ADA2: variants seen among roughly 807,000 people sequenced by gnomAD.
ADA2 encodes adenosine deaminase CECR1.
ADA2 carries 29 observed loss-of-function variants against 44.2 expected under a neutral mutation model. The observed-to-expected ratio is 0.66, with a 90% confidence interval of 0.49 to 0.89. ADA2 has a LOEUF of 0.89. Among genes scored for constraint, ADA2 ranks in the 40% least tolerant of loss-of-function variants. The pLI is 0.00. For missense variants in ADA2, 637 were observed against 644.8 expected, an observed-to-expected ratio of 0.99 and a Z score of 0.13; for synonymous variants, 215 against 234.9, an observed-to-expected ratio of 0.92 and a Z score of 0.77.
chr22:17,178,829 A>C lies in ADA2; in HGVS notation c.*2654T>G, dbSNP rs1290442809. 8 of 151,876 alleles carry C rather than the reference A, an allele frequency of 5.3e-5. No homozygotes were observed. Among genetic ancestry groups the C allele is most frequent in the Non-Finnish European group, 1.0e-4 (7 of 68,012 alleles). 9.4% of individuals were successfully genotyped at this position (151,876 alleles called of 1,614,324 possible). A position where few individuals can be genotyped will look rare whatever the true frequency, so the allele number is the denominator to read the frequency against. On this transcript the variant is annotated 3_prime_UTR_variant, in exon 10 of 10. Transcript: ENST00000399837. ...GGTTCATTTTGCCAAATCAGAGATC[A>C]CAGCAAGTCCAGGCCAGAGGCTGTT...
chr22:17,220,584 C>T (rs539162842), upstream of ADA2, among the ~76,000 whole-genome samples: 2 of 152,218 alleles, frequency 1.3e-5, no homozygotes, highest in South Asian at 2.1e-4. Flanking sequence ...GATGCCTCAT[C>T]CAAGCCAATT....
intron 7 of ADA2, 107 bp from the exon 8 acceptor site, chr22:17,182,868 C>T: frequency 9.1e-7 from 1 of 1,098,314 alleles, no homozygotes; most frequent in South Asian, 1.5e-5. Context: ...AAATAAACAG[C>T]CCCCCAAGCA....
At chr22:17,216,224 G>C (rs1001696490) in intron 1 of ADA2, among the ~76,000 whole-genome samples, 1 of 151,938 alleles carries the variant, frequency 6.6e-6, no homozygotes, top group Admixed American at 6.6e-5. Flanking sequence ...AATTATCCAT[G>C]TGTAGTGGTA....
chr22:17,199,866 G>A, intron 4 of ADA2: 3 of 796,842 alleles, frequency 3.8e-6, no homozygotes, highest in Non-Finnish European at 5.3e-6. Flanking sequence ...ATTTGCCTGA[G>A]CTCAGGAGTT....
intron 5 of ADA2, 92 bp downstream of exon 5, chr22:17,191,591 A>C: frequency 7.3e-4 from 679 of 930,842 alleles, no homozygotes; most frequent in East Asian, 1.9e-3. Context: ...CCGGCCTCCC[A>C]GCCCCGCTTC....
chr22:17,197,235 T>C (rs1327272806), intron 4 of ADA2, among the ~76,000 whole-genome samples: 1 of 151,842 alleles, frequency 6.6e-6, no homozygotes, highest in Non-Finnish European at 1.5e-5. Context: ...AAACAAGGAC[T>C]CGCAATTTCT....
At chr22:17,194,248 A>C (rs1403033304) in intron 4 of ADA2, among the ~76,000 whole-genome samples, 1 of 151,972 alleles carries the variant, frequency 6.6e-6, no homozygotes, top group Non-Finnish European at 1.5e-5. Context: ...TAAGGGAGAA[A>C]TGCCCTTCCT....
chr22:17,192,888 A>T, intron 4 of ADA2: 1 of 509,244 alleles, frequency 2.0e-6, no homozygotes, highest in Non-Finnish European at 3.7e-6. Context: ...AGTGGCAGCC[A>T]TCTCCTCTTT....
At chr22:17,197,043 G>A (rs2123677522) in intron 4 of ADA2, among the ~76,000 whole-genome samples, 1 of 151,952 alleles carries the variant, frequency 6.6e-6, no homozygotes, top group Non-Finnish European at 1.5e-5. Context: ...CATGGTGATG[G>A]GCACCTGTAA....
At chr22:17,206,308 T>G (rs2062352980) in intron 3 of ADA2, among the ~76,000 whole-genome samples, 1 of 151,980 alleles carries the variant, frequency 6.6e-6, no homozygotes, top group African/African-American at 2.4e-5. Context: ...AATACAAAAA[T>G]TAGCCAGGCA....
intron 4 of ADA2, chr22:17,198,822 A>T (rs1040276224): frequency 2.0e-5 from 3 of 152,100 alleles, no homozygotes; most frequent in African/African-American, 7.3e-5. Flanking sequence ...AGGAGATAAG[A>T]CCCGCCTAGC....
In ADA2 at chr22:17,195,882, G is replaced by C. The variant is rs568586531; in HGVS notation, c.754-4072C>G. ...TTCAAGCACGACTCCCGAGTAGCTG[G>C]GATTACAGGCACATGCCACCACGCC... On this transcript the variant is annotated intron_variant, in intron 4 of 9. Coordinates refer to ENST00000399837, the MANE Select transcript of ADA2 (RefSeq NM_001282225.2). Among the ~76,000 whole-genome samples, 927 of 151,706 alleles carry C rather than the reference G, an allele frequency of 6.1e-3. 16 individuals are homozygous for C. Among genetic ancestry groups the C allele is most frequent in the Non-Finnish European group, 4.3e-3 (294 of 67,916 alleles).
chr22:17,208,444 A>G (rs1045592296), intron 2 of ADA2, among the ~76,000 whole-genome samples: 2 of 105,706 alleles, frequency 1.9e-5, no homozygotes, highest in African/African-American at 6.5e-5. Flanking sequence ...AGAAAAAAAA[A>G]GAAAAAAAAA....
At chr22:17,185,995 G>A (rs367861981) in intron 7 of ADA2, among the ~76,000 whole-genome samples, 91 of 152,276 alleles carry the variant, frequency 6.0e-4, no homozygotes, top group African/African-American at 2.0e-3. Flanking sequence ...ACTGGAATAC[G>A]GGAGGGGCTG....
intron 4 of ADA2, among the ~76,000 whole-genome samples, chr22:17,199,107 G>A (rs117368256): frequency 0.036 from 5,549 of 152,192 alleles, 175 homozygotes; most frequent in South Asian, 0.1. Context: ...GAACAAATGG[G>A]CACATCCCCT....
rs8139821 is a variant in ADA2 at position 17,198,414 on chromosome 22, T to A, written c.753+5149A>T. 7.3e-3 allele frequency among the ~76,000 whole-genome samples: 1,109 copies of A among 152,126 alleles called. 17 individuals carry two copies. Among genetic ancestry groups the A allele is most frequent in the African/African-American group, 0.025 (1,058 of 41,494 alleles). On this transcript the variant is annotated intron_variant, in intron 4 of 9. Coordinates refer to ENST00000399837, the MANE Select transcript of ADA2 (RefSeq NM_001282225.2). ...CACAATGACAGCATAGTCGGATGAG[T>A]CCTGTCAAAAAGGGAGCAGTTAAGA...
chr22:17,178,864 C>T lies in ADA2; in HGVS notation c.*2619G>A, dbSNP rs946036544. On this transcript the variant is annotated 3_prime_UTR_variant, in exon 10 of 10. Transcript: ENST00000399837. ...CAGGCCAGAGGCTGTTTGCGTCTGC[C>T]TGTGTTGGAGGTCCCCTGCGCAGTT... The T allele has an allele frequency of 4.3e-4, 66 of 152,234 alleles. No homozygotes were observed. Among genetic ancestry groups the T allele is most frequent in the African/African-American group, 1.6e-3 (66 of 41,540 alleles). 9.4% of individuals were successfully genotyped at this position (152,234 alleles called of 1,614,324 possible).
At chr22:17,209,913 C>T (rs1460168344) in intron 1 of ADA2, 190 bp from the exon 2 acceptor site, 10 of 471,144 alleles carry the variant, frequency 2.1e-5, no homozygotes, top group African/African-American at 6.4e-5. Context: ...TTTTTTGAGA[C>T]GGAGTCTCGC....
chr22:17,182,677 C>G lies in ADA2; in HGVS notation c.1166G>C (p.Ser389Thr). ...GTAAGTCCTGACTGCGGGGTGTTTG[C>G]TCAAAGCAAATCCATGGCCGATTCT... ...TTRIGHGFAL[S>T]KHPAVRTYSW... Residue 389 changes from serine (S) to threonine (T), a missense_variant, in exon 8 of 10, where the codon AGC (serine) becomes ACC (threonine). Physicochemically the swap from Ser to Thr is moderately conservative, Grantham distance 58. Transcript: ENST00000399837. 6.2e-7 allele frequency: 1 copy of G among 1,614,102 alleles called. No individual in the cohort carries two copies.
Sources: gnomAD v4.1 joint callset for allele counts (sites outside exome capture counted in the v4.1 genomes callset) on GRCh38, gnomAD v4.1.1 for gene constraint, MANE v1.5 for transcripts, NCBI Gene and HGNC (gene_info 2026-07-23, HGNC 2026-07-21) for gene names.